Variants in NRXN1 observed in about 807,000 individuals in gnomAD.
The protein encoded by NRXN1 is neurexin-1.
In NRXN1, 39 loss-of-function variants were observed where a neutral mutation model predicts 150.9. The observed-to-expected ratio is 0.26, with a 90% CI of 0.20 to 0.34. The LOEUF is 0.34. Ranked by LOEUF, NRXN1 falls within the 10% of genes least tolerant of loss-of-function variation. The pLI is 1.00. For missense variants in NRXN1, 1,815 were observed against 1,949.9 expected (o/e 0.93, Z 1.30); for synonymous variants, 924 against 757.0 (o/e 1.22, Z -3.62).
intron 5 of NRXN1, among the ~76,000 whole-genome samples, chr2:50,693,902 T>C (rs1216445212): frequency 6.6e-6 from 1 of 152,140 alleles, no homozygotes; most frequent in Non-Finnish European, 1.5e-5. Context: ...TGTCCCCCTT[T>C]TACCTCAGCC....
intron 17 of NRXN1, among the ~76,000 whole-genome samples, chr2:50,434,975 G>T (rs114467836): frequency 0.011 from 1,615 of 151,916 alleles, 27 homozygotes; most frequent in African/African-American, 0.038. Flanking sequence ...TGAAAATCAT[G>T]GTATACACCA....
In NRXN1 at chr2:49,921,739, CCT is replaced by C. The variant is rs571641298; in HGVS notation, c.*203_*204del. 2.3e-4 allele frequency: 135 copies of C among 575,178 alleles called. No homozygotes were observed. Among genetic ancestry groups the C allele is most frequent in the Non-Finnish European group, 3.4e-4 (113 of 331,892 alleles). The allele number at this position is 575,178 out of a possible 1,614,324, so 35.6% of individuals were successfully genotyped here. On this transcript the variant is annotated 3_prime_UTR_variant, in exon 23 of 23. Coordinates refer to ENST00000401669, the MANE Select transcript of NRXN1 (RefSeq NM_001330078.2). ...GTGGATGTTAGGGAATTTATTGGCC[CCT>C]GTTTTTTGTTTTTTGTTTTTCTTTT...
chr2:50,636,925 A>G (rs1683314371), intron 5 of NRXN1, among the ~76,000 whole-genome samples: 1 of 152,212 alleles, frequency 6.6e-6, no homozygotes, highest in South Asian at 2.1e-4. Context: ...CTAATATTAT[A>G]TACTATAAGT....
chr2:50,264,209 A>T (rs919011705), intron 17 of NRXN1, among the ~76,000 whole-genome samples: 2 of 152,134 alleles, frequency 1.3e-5, no homozygotes, highest in African/African-American at 4.8e-5. Context: ...TTCCTTAAAG[A>T]AAAACAGTGA....
At chr2:50,149,996 G>A (rs1265886751) in intron 18 of NRXN1, among the ~76,000 whole-genome samples, 1 of 151,554 alleles carries the variant, frequency 6.6e-6, no homozygotes, top group East Asian at 1.9e-4. Flanking sequence ...ACCACCCCTT[G>A]GGTTTAAATT....
At chr2:50,444,668 A>C (rs1204566443) in intron 17 of NRXN1, among the ~76,000 whole-genome samples, 1 of 152,184 alleles carries the variant, frequency 6.6e-6, no homozygotes, top group Non-Finnish European at 1.5e-5. Flanking sequence ...AACATTTTAA[A>C]TCAATACCTT....
At chr2:50,725,031 G>C (rs1002311229) in intron 5 of NRXN1, among the ~76,000 whole-genome samples, 1 of 152,098 alleles carries the variant, frequency 6.6e-6, no homozygotes, top group African/African-American at 2.4e-5. Flanking sequence ...CTTGCTTCCT[G>C]ATTATCAGGT....
chr2:50,907,317 A>C lies in NRXN1; in HGVS notation c.832+14552T>G, dbSNP rs139045172. On this transcript the variant is annotated intron_variant, in intron 5 of 22. Transcript: ENST00000401669. Reference sequence around the variant, plus strand: ...ATTCTTCACTGAAACTCAGTATAAAAAGTACACAGTTTTCCCTGGGTATTT... The same window carrying C: ...ATTCTTCACTGAAACTCAGTATAAACAGTACACAGTTTTCCCTGGGTATTT... Among the ~76,000 whole-genome samples the C allele has an allele frequency of 2.6e-3, 401 of 152,188 alleles. 1 individual carries two copies. The highest frequency in any genetic ancestry group is 9.3e-3 in the African/African-American group (386 of 41,560).
intron 17 of NRXN1, among the ~76,000 whole-genome samples, chr2:50,411,127 C>A (rs2104078235): frequency 6.6e-6 from 1 of 152,008 alleles, no homozygotes; most frequent in Non-Finnish European, 1.5e-5. Flanking sequence ...AACCTCCCTG[C>A]CTGATTCTCC....
At chr2:49,952,860 G>C (rs1338623057) in intron 21 of NRXN1, among the ~76,000 whole-genome samples, 1 of 152,054 alleles carries the variant, frequency 6.6e-6, no homozygotes, top group East Asian at 1.9e-4. Flanking sequence ...TTAGAGTTCT[G>C]TCAGATTATT....
chr2:50,805,123 T>A (rs908073134), intron 5 of NRXN1, among the ~76,000 whole-genome samples: 4 of 152,108 alleles, frequency 2.6e-5, no homozygotes, highest in African/African-American at 9.7e-5. Flanking sequence ...GTTGGTAATA[T>A]ATGTGTTAGC....
intron 2 of NRXN1, among the ~76,000 whole-genome samples, chr2:50,993,863 A>C (rs928413983): frequency 1.3e-5 from 2 of 151,984 alleles, no homozygotes; most frequent in Non-Finnish European, 1.5e-5. Context: ...GATTATGCTG[A>C]AAAGGGGAAC....
intron 18 of NRXN1, among the ~76,000 whole-genome samples, chr2:50,208,556 C>G (rs962888524): frequency 6.6e-6 from 1 of 152,036 alleles, no homozygotes; most frequent in Non-Finnish European, 1.5e-5. Context: ...CTCCATTTCT[C>G]GGATTATTTT....
intron 15 of NRXN1, among the ~76,000 whole-genome samples, chr2:50,475,620 A>C (rs1261429730): frequency 6.6e-6 from 1 of 152,058 alleles, no homozygotes; most frequent in Non-Finnish European, 1.5e-5. Context: ...TACAACCTTC[A>C]AACATAGCAA....
At chr2:50,016,587 G>C (rs115236407) in intron 21 of NRXN1, 9,713 of 152,216 alleles carry the variant, frequency 0.064, 435 homozygotes, top group Middle Eastern at 0.15. Context: ...CCGCAGAAGA[G>C]AGAAATTAGT....
At chr2:50,642,774 G>A (rs1456936515) in intron 5 of NRXN1, among the ~76,000 whole-genome samples, 1 of 151,846 alleles carries the variant, frequency 6.6e-6, no homozygotes, top group Non-Finnish European at 1.5e-5. Flanking sequence ...CACTATTCAG[G>A]TTTAGTATAT....
intron 18 of NRXN1, among the ~76,000 whole-genome samples, chr2:50,110,904 A>G (rs1416580091): frequency 6.6e-6 from 1 of 152,216 alleles, no homozygotes; most frequent in Admixed American, 6.5e-5. Flanking sequence ...TTCCTTTTAG[A>G]AAAAAATCAA....
intron 17 of NRXN1, among the ~76,000 whole-genome samples, chr2:50,447,352 C>A (rs990330929): frequency 6.0e-5 from 9 of 151,146 alleles, no homozygotes; most frequent in Admixed American, 2.6e-4. Flanking sequence ...TGGTGGCACA[C>A]ACCTGTAATT....
Position 49,961,777 on chromosome 2 carries a change from G to T in NRXN1, c.4129-17986C>A, listed in dbSNP as rs1676004712. Among the ~76,000 whole-genome samples the T allele has an allele frequency of 2.6e-5, 4 of 152,110 alleles. No homozygotes were observed. In the South Asian group the frequency reaches 8.3e-4, roughly 31 times the overall value. ...TTTAATAGCCAGATTTACTTCCAAA[G>T]GTGAGTAGCACCAAAAATATTTCCA... On this transcript the variant is annotated intron_variant, in intron 21 of 22. Transcript: ENST00000401669.
Sources: gnomAD v4.1 joint callset for allele counts (sites outside exome capture counted in the v4.1 genomes callset) on GRCh38, gnomAD v4.1.1 for gene constraint, MANE v1.5 for transcripts, NCBI Gene and HGNC (gene_info 2026-07-23, HGNC 2026-07-21) for gene names.